Variants in MARCHF10 observed in about 807,000 individuals in gnomAD.
The protein encoded by MARCHF10 is probable E3 ubiquitin-protein ligase MARCHF10.
In MARCHF10, 64 loss-of-function variants were observed where a neutral mutation model predicts 76.2. That is an observed-to-expected ratio of 0.84 (90% CI 0.69 to 1.03). The LOEUF is 1.03. Ranked by LOEUF, MARCHF10 falls within the 50% of genes least tolerant of loss-of-function variation. The probability of loss-of-function intolerance (pLI) is 0.00; values close to 1 mark genes in which losing one functional copy is unlikely to be tolerated. For missense variants in MARCHF10, 875 were observed against 958.0 expected (o/e 0.91, Z 1.14); for synonymous variants, 340 against 357.5 (o/e 0.95, Z 0.55).
At chr17:62,758,129 G>A (rs576235563) in intron 4 of MARCHF10, among the ~76,000 whole-genome samples, 2 of 152,270 alleles carry the variant, frequency 1.3e-5, no homozygotes, top group South Asian at 4.1e-4. Context: ...GGCCAGGTGC[G>A]GTGGCTCACG....
At chr17:62,723,558 A>ATTTTTTTTTTTTTTTTTTTTTTTT in intron 7 of MARCHF10, among the ~76,000 whole-genome samples, 1 of 62,364 alleles carries the variant, frequency 1.6e-5, no homozygotes, top group Non-Finnish European at 2.6e-5. Context: ...TGTTCGCTTG[A>ATTTTTTTTTTTTTTTTTTTTTTTT]CTTTTTTTTT....
intron 1 of MARCHF10, 68 bp from the exon 2 acceptor site, chr17:62,801,820 T>C: frequency 8.9e-7 from 1 of 1,129,720 alleles, no homozygotes; most frequent in Non-Finnish European, 1.3e-6. Context: ...TTTGGATTTA[T>C]TTTCATCTAA....
chr17:62,736,430 C>T lies in MARCHF10; in HGVS notation c.1438G>A (p.Ala480Thr), dbSNP rs201286999. The T allele has an allele frequency of 4.3e-6, 7 of 1,614,090 alleles. No homozygotes were observed. The highest frequency in any genetic ancestry group is 3.3e-4 in the Middle Eastern group (2 of 6,062). Residue 480 changes from alanine (A) to threonine (T), a missense_variant, in exon 6 of 11, where the codon GCT becomes ACT. Coordinates refer to ENST00000311269, the MANE Select transcript of MARCHF10 (RefSeq NM_152598.4). Reference protein sequence around the residue: ...YNPPASFMHSALRDDIPVDLS... With the variant: ...YNPPASFMHSTLRDDIPVDLS... ...TCTACTGGAATATCATCTCTCAGAG[C>T]AGAATGCATGAATGATGCAGGAGGG... is the stretch of plus-strand genomic sequence containing the variant.
At chr17:62,724,790 A>T in intron 7 of MARCHF10, 148 bp downstream of exon 7, 1 of 801,384 alleles carries the variant, frequency 1.2e-6, no homozygotes, top group Non-Finnish European at 2.0e-6. Flanking sequence ...AGCTTTTATG[A>T]GCAAGGATCT....
Position 62,758,304 on chromosome 17 carries a change from G to A in MARCHF10, c.382+1531C>T, listed in dbSNP as rs546141450. Among the ~76,000 whole-genome samples the A allele has an allele frequency of 8.5e-5, 13 of 152,172 alleles. No homozygotes were observed. The East Asian group carries it at 2.3e-3, about 27-fold the overall frequency. On this transcript the variant is annotated intron_variant, in intron 4 of 10. Coordinates refer to ENST00000311269, the MANE Select transcript of MARCHF10 (RefSeq NM_152598.4). ...GCGGAGGTTGCAGTGAGCTGAGATCGTGCCACTGCACTCCAGCCTGGGCAA... is the reference window on the plus strand; with the variant it reads ...GCGGAGGTTGCAGTGAGCTGAGATCATGCCACTGCACTCCAGCCTGGGCAA...
intron 4 of MARCHF10, among the ~76,000 whole-genome samples, chr17:62,759,484 CTTAT>C (rs1271652038): frequency 1.3e-5 from 2 of 152,106 alleles, no homozygotes; most frequent in Non-Finnish European, 2.9e-5. Context: ...TGTTGTTATA[CTTAT>C]TTATTTTTGA....
Position 62,711,221 on chromosome 17 carries a change from C to T in MARCHF10, c.2328+10G>A, listed in dbSNP as rs2089915324. 4.3e-6 allele frequency: 7 copies of T among 1,612,958 alleles called. No individual in the cohort carries two copies. Among genetic ancestry groups the T allele is most frequent in the Non-Finnish European group, 5.9e-6 (7 of 1,179,156 alleles). On this transcript the variant is annotated intron_variant, in intron 9 of 10. Transcript: ENST00000311269. This position sits in a 1 kb window ranked among gnomAD's most constrained non-coding sequence, Gnocchi z 4.4. ...GCCACCGGACAGCTCTGGGTCACAGCCAGACTTACCCTCTCTCTTTCCACC... is the reference window on the plus strand; with the variant it reads ...GCCACCGGACAGCTCTGGGTCACAGTCAGACTTACCCTCTCTCTTTCCACC...
At chr17:62,731,247 A>G in intron 6 of MARCHF10, among the ~76,000 whole-genome samples, 1 of 152,186 alleles carries the variant, frequency 6.6e-6, no homozygotes, top group East Asian at 1.9e-4. Flanking sequence ...ATATCTGTAA[A>G]ATATTTGACA....
intron 9 of MARCHF10, among the ~76,000 whole-genome samples, chr17:62,710,239 A>T (rs1233808014): frequency 6.6e-6 from 1 of 152,258 alleles, no homozygotes; most frequent in African/African-American, 2.4e-5. Context: ...TCAGTGTGCA[A>T]TAAAAAGTTC....
intron 3 of MARCHF10, among the ~76,000 whole-genome samples, chr17:62,785,099 G>T (rs914198148): frequency 6.6e-6 from 1 of 152,146 alleles, no homozygotes; most frequent in African/African-American, 2.4e-5. Context: ...CAAAGCTGGA[G>T]GCATCATGCT....
chr17:62,713,596 A>G (rs1428714243), intron 8 of MARCHF10, among the ~76,000 whole-genome samples: 1 of 152,172 alleles, frequency 6.6e-6, no homozygotes, highest in Non-Finnish European at 1.5e-5. Context: ...CAGGCGTGTG[A>G]TAGTCAACTC....
chr17:62,793,862 C>T (rs1369811957), intron 2 of MARCHF10, among the ~76,000 whole-genome samples: 21 of 148,338 alleles, frequency 1.4e-4, no homozygotes, highest in Non-Finnish European at 2.4e-4. Flanking sequence ...ACCACTACCA[C>T]GTCCATCAAC....
chr17:62,780,622 A>G (rs749082356), intron 3 of MARCHF10, among the ~76,000 whole-genome samples: 14 of 152,234 alleles, frequency 9.2e-5, no homozygotes, highest in Non-Finnish European at 1.8e-4. Context: ...GGTTGCCACC[A>G]GTGAAAGGAC....
At chr17:62,728,243 T>C (rs1322168521) in intron 6 of MARCHF10, among the ~76,000 whole-genome samples, 1 of 151,962 alleles carries the variant, frequency 6.6e-6, no homozygotes, top group Non-Finnish European at 1.5e-5. Flanking sequence ...CCAGGACTGG[T>C]TTCAAAGTTT....
intron 4 of MARCHF10, among the ~76,000 whole-genome samples, chr17:62,747,495 C>T (rs2091747445): frequency 6.6e-6 from 1 of 152,184 alleles, no homozygotes; most frequent in South Asian, 2.1e-4. Flanking sequence ...GCAGGATCCT[C>T]TGACCTTTGG....
intron 10 of MARCHF10, chr17:62,704,994 C>G (rs1410687319): frequency 3.7e-6 from 3 of 818,698 alleles, no homozygotes; most frequent in Non-Finnish European, 1.5e-6. Flanking sequence ...AGGCTTTTCT[C>G]GAACCTGTTT....
chr17:62,806,601 A>C (rs1185533890), intron 1 of MARCHF10: 4 of 152,230 alleles, frequency 2.6e-5, no homozygotes, highest in African/African-American at 9.6e-5. Flanking sequence ...TGGAGAAGGA[A>C]GGAGGGGGTC....
At chr17:62,791,216 G>T in intron 2 of MARCHF10, among the ~76,000 whole-genome samples, 1 of 152,186 alleles carries the variant, frequency 6.6e-6, no homozygotes, top group Non-Finnish European at 1.5e-5. Context: ...TGCCTTTGTT[G>T]TTCCAATCCT....
rs775580021 is a variant in MARCHF10 at position 62,736,006 on chromosome 17, G to A, written c.1862C>T (p.Ala621Val). The change falls in exon 6 of 11, where the codon GCC (alanine) becomes GTC (valine). Residue 621 changes from alanine (A) to valine (V), a missense_variant. Coordinates refer to ENST00000311269, the MANE Select transcript of MARCHF10 (RefSeq NM_152598.4). ...NQNDNGSRMA[A>V]SGFTDEKETS... ...TTCCTTTTCATCTGTGAAACCAGAG[G>A]CTGCCATCCTGCTCCCATTATCATT... 6.2e-7 allele frequency: 1 copy of A among 1,613,868 alleles called. No homozygotes were observed. Among genetic ancestry groups the A allele is most frequent in the African/African-American group, 1.3e-5 (1 of 74,878 alleles).
Sources: gnomAD v4.1 joint callset for allele counts (sites outside exome capture counted in the v4.1 genomes callset) on GRCh38, gnomAD v4.1.1 for gene constraint, Gnocchi (gnomAD v3.1) non-coding constraint, MANE v1.5 for transcripts, NCBI Gene and HGNC (gene_info 2026-07-23, HGNC 2026-07-21) for gene names.